Variants in EXOC4 observed in about 807,000 individuals in gnomAD.
The protein encoded by EXOC4 is SEC8-like 1.
A neutral mutation model predicts 107.2 loss-of-function variants in EXOC4; 71 were observed. The ratio of observed to expected loss-of-function variants is 0.66; its 90% confidence interval spans 0.55 to 0.81. The LOEUF (loss-of-function observed/expected upper bound fraction) is 0.81. Among genes scored for constraint, EXOC4 ranks in the 30% least tolerant of loss-of-function variants. EXOC4 has a pLI of 0.00. For synonymous variants in EXOC4, 456 were observed against 441.2 expected (o/e 1.03, Z -0.42); for missense variants, 1,108 against 1,189.6 (o/e 0.93, Z 1.01).
chr7:133,876,727 A>G (rs1037172188), intron 11 of EXOC4, among the ~76,000 whole-genome samples: 1 of 152,114 alleles, frequency 6.6e-6, no homozygotes, highest in African/African-American at 2.4e-5. Flanking sequence ...GGGGCACAGT[A>G]TAGGGTGGTA....
intron 10 of EXOC4, among the ~76,000 whole-genome samples, chr7:133,751,111 A>G (rs1314166411): frequency 6.6e-6 from 1 of 152,212 alleles, no homozygotes; most frequent in Non-Finnish European, 1.5e-5. Context: ...AATATTTGGA[A>G]GGCCAGCTTA....
intron 11 of EXOC4, among the ~76,000 whole-genome samples, chr7:133,855,910 A>T (rs1399713841): frequency 1.3e-5 from 2 of 152,228 alleles, no homozygotes; most frequent in Admixed American, 6.5e-5. Context: ...TTTATCAACC[A>T]TGTACGTAGG....
intron 7 of EXOC4, among the ~76,000 whole-genome samples, chr7:133,421,413 C>T (rs1305421362): frequency 6.6e-6 from 1 of 152,146 alleles, no homozygotes. Context: ...CAGTTTAGTC[C>T]TTGCTGACCT....
intron 10 of EXOC4, among the ~76,000 whole-genome samples, chr7:133,729,508 C>T (rs1795282362): frequency 6.6e-6 from 1 of 151,898 alleles, no homozygotes; most frequent in Non-Finnish European, 1.5e-5. Context: ...ATATATTTAA[C>T]CAGAAAGAGT....
At chr7:133,985,039 A>G (rs1794082731) in intron 14 of EXOC4, among the ~76,000 whole-genome samples, 1 of 152,208 alleles carries the variant, frequency 6.6e-6, no homozygotes, top group Non-Finnish European at 1.5e-5. Flanking sequence ...ATGTTGAGAC[A>G]TCTAAGACAT....
intron 9 of EXOC4, among the ~76,000 whole-genome samples, chr7:133,542,835 C>A (rs1038158530): frequency 4.6e-5 from 7 of 151,868 alleles, no homozygotes; most frequent in Admixed American, 1.3e-4. Context: ...TTGTCAGTAC[C>A]ATTTTAGTTT....
rs554320698 is a variant in EXOC4, at chr7:133,878,685, C to G, written c.1735-16914C>G. 2.6e-5 allele frequency among the ~76,000 whole-genome samples: 4 copies of G among 152,152 alleles called. No homozygotes were observed. The East Asian group carries it at 7.7e-4, about 29-fold the overall frequency. On this transcript the variant is annotated intron_variant, in intron 11 of 17. Coordinates refer to ENST00000253861, the MANE Select transcript of EXOC4 (RefSeq NM_021807.4). The stretch of plus-strand genomic sequence containing the variant: ...ATTGACCCTATGTGGATGTTCATTT[C>G]TGCAATTTCCTGGTCAACTTTCATT...
intron 9 of EXOC4, among the ~76,000 whole-genome samples, chr7:133,585,515 T>G (rs540320400): frequency 6.6e-6 from 1 of 152,118 alleles, no homozygotes; most frequent in African/African-American, 2.4e-5. Context: ...TGGTCCCAGT[T>G]ACTCGGAAGG....
At chr7:133,749,539 C>A (rs907521610) in intron 10 of EXOC4, among the ~76,000 whole-genome samples, 8 of 151,926 alleles carry the variant, frequency 5.3e-5, no homozygotes, top group Admixed American at 5.2e-4. Flanking sequence ...ACTACAGGGG[C>A]GCACCACCAC....
intron 1 of EXOC4, among the ~76,000 whole-genome samples, chr7:133,263,795 A>G (rs1465202051): frequency 6.6e-6 from 1 of 151,696 alleles, no homozygotes; most frequent in Non-Finnish European, 1.5e-5. Context: ...AAACAGGTTG[A>G]TTGATTGATG....
the EXOC4 span, among the ~76,000 whole-genome samples, chr7:134,089,039 C>G: frequency 3.3e-5 from 5 of 152,152 alleles, no homozygotes; most frequent in South Asian, 8.3e-4. Flanking sequence ...TCTTGTATAA[C>G]CCTTTACAAT....
intron 2 of EXOC4, among the ~76,000 whole-genome samples, chr7:133,283,933 A>C (rs538850912): frequency 6.6e-6 from 1 of 152,220 alleles, no homozygotes; most frequent in African/African-American, 2.4e-5. Flanking sequence ...GACTGACCCT[A>C]TCCCCCAAGT....
intron 7 of EXOC4, among the ~76,000 whole-genome samples, chr7:133,456,943 G>A (rs1286694271): frequency 6.6e-6 from 1 of 152,180 alleles, no homozygotes; most frequent in Non-Finnish European, 1.5e-5. Flanking sequence ...GAAACTAAAT[G>A]TAGTTCAATG....
intron 10 of EXOC4, among the ~76,000 whole-genome samples, chr7:133,705,545 T>C (rs1794750623): frequency 6.6e-6 from 1 of 152,206 alleles, no homozygotes; most frequent in African/African-American, 2.4e-5. Flanking sequence ...CCATAGTCAA[T>C]TGTGGTCCAA....
intron 10 of EXOC4, among the ~76,000 whole-genome samples, chr7:133,715,653 CTT>C (rs767538480): frequency 2.1e-4 from 32 of 152,226 alleles, no homozygotes; most frequent in Non-Finnish European, 3.2e-4. Flanking sequence ...TATCTCTGCT[CTT>C]GTCTGCTGAA....
At chr7:133,741,076 C>G (rs1795554173) in intron 10 of EXOC4, among the ~76,000 whole-genome samples, 1 of 152,200 alleles carries the variant, frequency 6.6e-6, no homozygotes, top group South Asian at 2.1e-4. Flanking sequence ...ACAATAAATT[C>G]AAAGCTCTTT....
chr7:133,790,936 GA>G (rs1796689918), intron 10 of EXOC4, among the ~76,000 whole-genome samples: 1 of 152,226 alleles, frequency 6.6e-6, no homozygotes, highest in East Asian at 1.9e-4. Flanking sequence ...CATGGAAGGA[GA>G]TGTACATTAC....
chr7:133,629,971 T>C, intron 9 of EXOC4, 74 bp from the exon 10 acceptor site: 1 of 1,061,334 alleles, frequency 9.4e-7, no homozygotes, highest in Non-Finnish European at 1.5e-6. Flanking sequence ...ATAGGACTCA[T>C]CTAGATATGC....
chr7:133,879,881 T>C (rs1476893338), intron 11 of EXOC4, among the ~76,000 whole-genome samples: 2 of 152,208 alleles, frequency 1.3e-5, no homozygotes, highest in East Asian at 3.8e-4. Context: ...CCTGCTTCTG[T>C]CCAGCTGCAG....
Sources: gnomAD v4.1 joint callset for allele counts (sites outside exome capture counted in the v4.1 genomes callset) on GRCh38, gnomAD v4.1.1 for gene constraint, MANE v1.5 for transcripts, NCBI Gene and HGNC (gene_info 2026-07-23, HGNC 2026-07-21) for gene names.